CD99: variants seen among roughly 807,000 people sequenced by gnomAD.
The protein encoded by CD99 is CD99 antigen.
A neutral mutation model predicts 28.4 loss-of-function variants in CD99; 19 were observed. That is an observed-to-expected ratio of 0.67 (90% CI 0.47 to 0.98). The LOEUF (loss-of-function observed/expected upper bound fraction) is 0.98, where lower values mean the gene tolerates loss of function less well. Ranked by LOEUF, CD99 falls within the 50% of genes least tolerant of loss-of-function variation. The pLI, the probability that CD99 is intolerant of heterozygous loss-of-function variation, is 0.00. For synonymous variants in CD99, 103 were observed against 92.1 expected (o/e 1.12, Z -0.67); for missense variants, 283 against 248.8 (o/e 1.14, Z -0.92).
At chrX:2,740,041 A>G (rs768109987) in intron 9 of CD99, among the ~76,000 whole-genome samples, 3 of 152,014 alleles carry the variant, frequency 2.0e-5, no homozygotes, top group African/African-American at 7.2e-5. Flanking sequence ...GTGGTGAGCC[A>G]AGATTGCGCC....
At chrX:2,733,010 A>C (rs1475589879) in intron 8 of CD99, among the ~76,000 whole-genome samples, 5 of 120,952 alleles carry the variant, frequency 4.1e-5, no homozygotes, top group Admixed American at 1.9e-4. Flanking sequence ...CCCTTCCTCC[A>C]TACCTCCCTG....
intron 1 of CD99, among the ~76,000 whole-genome samples, chrX:2,705,139 C>A (rs1252044092): frequency 6.6e-6 from 1 of 152,242 alleles, no homozygotes; most frequent in Non-Finnish European, 1.5e-5. Context: ...CGGCCACTAT[C>A]ACCCACTGCG....
At chrX:2,724,035 G>C (rs868198774) in intron 7 of CD99, among the ~76,000 whole-genome samples, 1 of 138,460 alleles carries the variant, frequency 7.2e-6, no homozygotes, top group Admixed American at 6.9e-5. Context: ...GGAAGGAAGG[G>C]AGGAAAAGTG....
intron 1 of CD99, among the ~76,000 whole-genome samples, chrX:2,695,536 G>A (rs767378113): frequency 1.3e-5 from 2 of 151,776 alleles, no homozygotes; most frequent in Admixed American, 6.6e-5. Context: ...CTCAGCCTCT[G>A]TAGTAGCTGG....
At position 2,691,310 on chromosome X, in the gene CD99, T is replaced by A. The variant is rs192558008; in HGVS notation, c.-51T>A. On this transcript the variant is annotated 5_prime_UTR_variant, in exon 1 of 10. Transcript: ENST00000381192. The stretch of plus-strand genomic sequence containing the variant: ...GTGGGGGAGTATCTGTCCTGCCGCC[T>A]TCGCCCACGCCCTGCACTCCGGGAC... The A allele has an allele frequency of 2.0e-3, 2,905 of 1,470,958 alleles. 54 individuals carry two copies. In the African/African-American group the frequency reaches 0.038, roughly 19 times the overall value. The allele number at this position is 1,470,958 out of a possible 1,614,324, so 91.1% of individuals were successfully genotyped here. A position where few individuals can be genotyped will look rare whatever the true frequency, so the allele number is the denominator to read the frequency against.
At position 2,727,267 on chromosome X, in the gene CD99, C is replaced by T. The variant is rs139005553; in HGVS notation, c.475+894C>T. ...ATTTACAGGGGAATTAGGAGGAGGA[C>T]GTACTCACCATTGCAATCCTCCTAG... is the stretch of plus-strand genomic sequence containing the variant. On this transcript the variant is annotated intron_variant, in intron 8 of 9. Coordinates refer to ENST00000381192, the MANE Select transcript of CD99 (RefSeq NM_002414.5). The T allele has an allele frequency of 8.9e-4, 693 of 777,254 alleles. 15 individuals are homozygous for T. In the East Asian group the frequency reaches 0.016, roughly 18 times the overall value. 48.1% of individuals were successfully genotyped at this position (777,254 alleles called of 1,614,324 possible).
intron 2 of CD99, chrX:2,715,127 G>C (rs185803699): frequency 6.6e-6 from 1 of 152,436 alleles, no homozygotes; most frequent in East Asian, 1.9e-4. Flanking sequence ...TTCTTCTGCA[G>C]CTCTTCCTGT....
intron 9 of CD99, 75 bp downstream of exon 9, chrX:2,738,331 T>C: frequency 7.2e-7 from 1 of 1,395,972 alleles, no homozygotes; most frequent in Middle Eastern, 2.3e-4. Context: ...CTCTCCCATC[T>C]TGCTGTCCTG....
chrX:2,717,615 C>T lies in CD99; in HGVS notation c.111C>T (p.Asn37=). The T allele has an allele frequency of 6.2e-7, 1 of 1,613,618 alleles. No homozygotes were observed. Among genetic ancestry groups the T allele is most frequent in the Non-Finnish European group, 8.5e-7 (1 of 1,179,572 alleles). The change falls in exon 3 of 10, where the codon AAC becomes AAT. Residue 37 remains asparagine (N), a synonymous_variant. Coordinates refer to ENST00000381192, the MANE Select transcript of CD99 (RefSeq NM_002414.5). Reference sequence around the variant, plus strand: ...ATCTTATCTCTTTAGACAATGAAAACAAGAAACCCACTGCAATCCCCAAGA... The same window carrying T: ...ATCTTATCTCTTTAGACAATGAAAATAAGAAACCCACTGCAATCCCCAAGA... The part of the protein sequence containing the change: ...DLSDALPDNE[N]KKPTAIPKKP...
At position 2,702,764 on chromosome X, in the gene CD99, C is replaced by T. The variant is rs184292503; in HGVS notation, c.67+11337C>T. Among the ~76,000 whole-genome samples the T allele has an allele frequency of 2.3e-3, 349 of 151,852 alleles. 11 individuals are homozygous for T. In the South Asian group the frequency reaches 0.069, roughly 30 times the overall value. On this transcript the variant is annotated intron_variant, in intron 1 of 9. Coordinates refer to ENST00000381192, the MANE Select transcript of CD99 (RefSeq NM_002414.5). ...TCGGCTATTTTGTTCATGCACAGAA[C>T]GGCAAAAAAATTGAACTTTTTTTTT...
intron 8 of CD99, among the ~76,000 whole-genome samples, chrX:2,736,307 T>C (rs745547793): frequency 2.8e-4 from 43 of 151,974 alleles, no homozygotes; most frequent in African/African-American, 9.2e-4. Flanking sequence ...GTTTTACAAA[T>C]AGCACGGTCT....
At chrX:2,706,911 C>G (rs1475073538) in intron 1 of CD99, among the ~76,000 whole-genome samples, 1 of 151,962 alleles carries the variant, frequency 6.6e-6, no homozygotes, top group African/African-American at 2.4e-5. Context: ...ACCTCCACCT[C>G]CCGGGTTCAA....
intron 2 of CD99, among the ~76,000 whole-genome samples, chrX:2,715,998 C>G (rs1426307824): frequency 6.7e-6 from 1 of 149,924 alleles, no homozygotes; most frequent in Non-Finnish European, 1.5e-5. Flanking sequence ...TGCTTTTCAA[C>G]CCAGGACAGC....
intron 2 of CD99, chrX:2,714,897 C>T (rs939417434): frequency 7.8e-4 from 122 of 156,322 alleles, no homozygotes; most frequent in African/African-American, 2.8e-3. Context: ...TCATAGATGA[C>T]GAGGAAAAGC....
chrX:2,740,350 C>T (rs1445154985), intron 9 of CD99, among the ~76,000 whole-genome samples: 1 of 152,094 alleles, frequency 6.6e-6, no homozygotes, highest in Non-Finnish European at 1.5e-5. Flanking sequence ...CCAGCTTCTC[C>T]CTCCAAAATA....
At chrX:2,700,646 T>C (rs1191450306) in intron 1 of CD99, among the ~76,000 whole-genome samples, 1 of 149,838 alleles carries the variant, frequency 6.7e-6, no homozygotes, top group African/African-American at 2.5e-5. Context: ...CCATTCTCCA[T>C]TCATCTTTCC....
At chrX:2,696,247 A>G (rs1223360229) in intron 1 of CD99, among the ~76,000 whole-genome samples, 1 of 152,018 alleles carries the variant, frequency 6.6e-6, no homozygotes, top group African/African-American at 2.4e-5. Context: ...TCCCAGGCCC[A>G]TGTGGATTTT....
chrX:2,699,279 C>T (rs1244289291), intron 1 of CD99, among the ~76,000 whole-genome samples: 1 of 151,344 alleles, frequency 6.6e-6, no homozygotes, highest in Non-Finnish European at 1.5e-5. Context: ...AAGTGCCTCT[C>T]TTGCCTCAGC....
intron 9 of CD99, among the ~76,000 whole-genome samples, chrX:2,739,920 TAAAAAAAAAAAAAAA>T (rs760923352): frequency 2.7e-5 from 3 of 110,138 alleles, no homozygotes; most frequent in Admixed American, 1.9e-4. Context: ...TACTAAAAAT[TAAAAAAAAAAAAAAA>T]AAAAAAATTA....
Sources: gnomAD v4.1 joint callset for allele counts (sites outside exome capture counted in the v4.1 genomes callset) on GRCh38, gnomAD v4.1.1 for gene constraint, MANE v1.5 for transcripts, NCBI Gene and HGNC (gene_info 2026-07-23, HGNC 2026-07-21) for gene names.